Variants in HERC1 observed in about 807,000 individuals in gnomAD.
HERC1 encodes the protein HECT and RLD domain containing E3 ubiquitin protein ligase family member 1.
HERC1 carries 160 observed loss-of-function variants against 554.3 expected under a neutral mutation model. That is an observed-to-expected ratio of 0.29 (90% CI 0.25 to 0.33). HERC1 has a LOEUF of 0.33. HERC1 is among the 10% of genes least tolerant of loss of function. The pLI is 1.00. For synonymous variants in HERC1, 2,175 were observed against 2,131.7 expected, an observed-to-expected ratio of 1.02 and a Z score of -0.56; for missense variants, 4,919 against 5,918.5, an observed-to-expected ratio of 0.83 and a Z score of 5.54.
intron 1 of HERC1, among the ~76,000 whole-genome samples, chr15:63,824,988 A>G (rs2077840711): frequency 6.6e-6 from 1 of 152,130 alleles, no homozygotes. Context: ...GTTATGTAGG[A>G]TGAATAAATC....
chr15:63,711,049 G>T (rs1328959409), intron 24 of HERC1, among the ~76,000 whole-genome samples: 2 of 152,154 alleles, frequency 1.3e-5, no homozygotes, highest in African/African-American at 2.4e-5. Context: ...TTGCAGGGTT[G>T]GGAGCTGGGT....
intron 55 of HERC1, among the ~76,000 whole-genome samples, chr15:63,647,167 T>C (rs1193923142): frequency 2.6e-5 from 4 of 151,920 alleles, no homozygotes; most frequent in East Asian, 1.9e-4. Flanking sequence ...GGCAGAAGAA[T>C]TGCTTGAACC....
chr15:63,704,864 G>A (rs531638136), intron 25 of HERC1, among the ~76,000 whole-genome samples: 3 of 149,896 alleles, frequency 2.0e-5, no homozygotes, highest in East Asian at 4.0e-4. Context: ...TCAGCCTCCC[G>A]AATAGCCAGG....
rs2074407127 is a variant in HERC1 at position 63,734,150 on chromosome 15, G to A, written c.2646+574C>T. Reference sequence around the variant, plus strand: ...CCACCCTACTCCAGCGTGGATGACAGAGCAAGACTCTGTCTCCAAAAAAAG... The same window carrying A: ...CCACCCTACTCCAGCGTGGATGACAAAGCAAGACTCTGTCTCCAAAAAAAG... On this transcript the variant is annotated intron_variant, in intron 13 of 77. Transcript: ENST00000443617. This position sits in a 1 kb window ranked among gnomAD's most constrained non-coding sequence, Gnocchi z 4.6. Among the ~76,000 whole-genome samples, 1 of 152,134 alleles carries A rather than the reference G, an allele frequency of 6.6e-6. No individual in the cohort carries two copies. The highest frequency in any genetic ancestry group is 2.4e-5 in the African/African-American group (1 of 41,428).
Position 63,625,657 on chromosome 15 carries a change from G to A in HERC1, c.13275+328C>T, listed in dbSNP as rs2068270575. ...TGCAGTGAGCTGAGATTGCGCCACT[G>A]CACTCCAGCCTGGGCGACAGAGTGA... is the stretch of plus-strand genomic sequence containing the variant. On this transcript the variant is annotated intron_variant, in intron 71 of 77. Coordinates refer to ENST00000443617, the MANE Select transcript of HERC1 (RefSeq NM_003922.4). 2.1e-5 allele frequency among the ~76,000 whole-genome samples: 3 copies of A among 145,730 alleles called. No homozygotes were observed. The South Asian group carries it at 6.5e-4, about 31-fold the overall frequency.
At position 63,725,481 on chromosome 15, in the gene HERC1, G is replaced by A; in HGVS notation, c.3379C>T (p.Pro1127Ser). 1.2e-6 allele frequency: 2 copies of A among 1,613,866 alleles called. No individual in the cohort carries two copies. Among genetic ancestry groups the A allele is most frequent in the Non-Finnish European group, 1.7e-6 (2 of 1,179,848 alleles). The change falls in exon 18 of 78, where the codon CCA (proline) becomes TCA (serine). Residue 1127 changes from proline to serine, a missense_variant. Physicochemically the swap from Pro to Ser is moderately conservative, Grantham distance 74 (BLOSUM62 -1). Transcript: ENST00000443617. ...CAGGACTGAGCTGGCTGAGGTAATGGCAGACCAGCAGGATCAATTAGTTCT... is the reference window on the plus strand; with the variant it reads ...CAGGACTGAGCTGGCTGAGGTAATGACAGACCAGCAGGATCAATTAGTTCT... ...GPELIDPAGL[P>S]LPQPAQSWVW...
At chr15:63,805,913 A>G (rs2077123059) in intron 1 of HERC1, among the ~76,000 whole-genome samples, 1 of 150,352 alleles carries the variant, frequency 6.7e-6, no homozygotes, top group South Asian at 2.1e-4. Context: ...ACTGCACTAC[A>G]GCCTGGGAAA....
rs954181096 is a variant in HERC1, at chr15:63,666,555, T to C, written c.8207-83A>G. 4.6e-6 allele frequency: 4 copies of C among 869,316 alleles called. No individual in the cohort carries two copies. In the African/African-American group the frequency reaches 6.8e-5, roughly 15 times the overall value. The allele number at this position is 869,316 out of a possible 1,614,324, so 53.9% of individuals were successfully genotyped here. A position where few individuals can be genotyped will look rare whatever the true frequency, so the allele number is the denominator to read the frequency against. Reference sequence around the variant, plus strand: ...AGTGTCTTCATAGTCCTCAATTTCCTAGTATTGTCCAAGTTTAATGAAATT... The same window carrying C: ...AGTGTCTTCATAGTCCTCAATTTCCCAGTATTGTCCAAGTTTAATGAAATT... On this transcript the variant is annotated intron_variant, in intron 40 of 77. Transcript: ENST00000443617.
chr15:63,624,817 T>C (rs1453506736), intron 71 of HERC1, among the ~76,000 whole-genome samples: 1 of 152,218 alleles, frequency 6.6e-6, no homozygotes, highest in African/African-American at 2.4e-5. Flanking sequence ...AATATATAAT[T>C]ACCATTTTTA....
chr15:63,664,358 G>A, intron 43 of HERC1, 112 bp downstream of exon 43: 5 of 880,750 alleles, frequency 5.7e-6, no homozygotes, highest in Non-Finnish European at 8.7e-6. Flanking sequence ...TTCTGTTAAT[G>A]TGGAGGGACT....
At chr15:63,643,644 A>G in intron 57 of HERC1, 94 bp from the exon 58 acceptor site, 1 of 972,646 alleles carries the variant, frequency 1.0e-6, no homozygotes, top group Non-Finnish European at 1.5e-6. Context: ...ATATTTCAGA[A>G]TAAAATTGGC....
At chr15:63,715,117 T>G (rs1366294176) in intron 22 of HERC1, among the ~76,000 whole-genome samples, 1 of 152,210 alleles carries the variant, frequency 6.6e-6, no homozygotes, top group Non-Finnish European at 1.5e-5. Flanking sequence ...TAGCTGCTAC[T>G]AACTGTAGCC....
chr15:63,666,513 A>G lies in HERC1; in HGVS notation c.8207-41T>C, dbSNP rs777261992. On this transcript the variant is annotated intron_variant, in intron 40 of 77. Transcript: ENST00000443617. ...GAGAAATAAGAACCTAAATATCACTAGATACCGTGAGTAAAAAGTGTCTTC... is the reference window on the plus strand; with the variant it reads ...GAGAAATAAGAACCTAAATATCACTGGATACCGTGAGTAAAAAGTGTCTTC... The G allele has an allele frequency of 1.2e-5, 15 of 1,237,986 alleles. No homozygotes were observed. The South Asian group carries it at 1.3e-4, about 11-fold the overall frequency. 76.7% of individuals were successfully genotyped at this position (1,237,986 alleles called of 1,614,324 possible).
At chr15:63,800,585 C>T (rs1053144098) in intron 1 of HERC1, among the ~76,000 whole-genome samples, 1 of 152,180 alleles carries the variant, frequency 6.6e-6, no homozygotes, top group African/African-American at 2.4e-5. Context: ...GAAGGTATCC[C>T]TGACTATACC....
intron 71 of HERC1, among the ~76,000 whole-genome samples, chr15:63,625,173 G>A (rs2068247551): frequency 6.6e-6 from 1 of 152,030 alleles, no homozygotes. Flanking sequence ...TTTGTTACTG[G>A]ACTAGTCCAT....
At chr15:63,828,330 G>A (rs1271619275) in intron 1 of HERC1, among the ~76,000 whole-genome samples, 1 of 151,732 alleles carries the variant, frequency 6.6e-6, no homozygotes, top group South Asian at 2.1e-4. Flanking sequence ...ACACTTTTCA[G>A]TACAACTTTT....
At chr15:63,632,507 G>A in intron 68 of HERC1, 1 of 651,084 alleles carries the variant, frequency 1.5e-6, no homozygotes, top group East Asian at 2.9e-5. Flanking sequence ...GGCATAAGGG[G>A]TCTTAATGGG....
chr15:63,643,500 T>C lies in HERC1; in HGVS notation c.11235A>G (p.Gly3745=). Residue 3745 remains glycine, a synonymous_variant, in exon 58 of 78, where the codon GGA becomes GGG. Coordinates refer to ENST00000443617, the MANE Select transcript of HERC1 (RefSeq NM_003922.4). ...CAACAGTCCGAACAGGAGTGATGTGTCCCCGCAGCTGATAAACACACTTGG... is the reference window on the plus strand; with the variant it reads ...CAACAGTCCGAACAGGAGTGATGTGCCCCCGCAGCTGATAAACACACTTGG... ...SGAKCVYQLR[G]HITPVRTVAF... is the part of the protein sequence containing the mutation. 6.2e-7 allele frequency: 1 copy of C among 1,610,334 alleles called. No individual in the cohort carries two copies. Among genetic ancestry groups the C allele is most frequent in the Non-Finnish European group, 8.5e-7 (1 of 1,177,950 alleles).
chr15:63,611,511 CACACA>C (rs2067589897), intron 77 of HERC1, among the ~76,000 whole-genome samples: 1 of 152,222 alleles, frequency 6.6e-6, no homozygotes, highest in African/African-American at 2.4e-5. Flanking sequence ...CTCCACAAGG[CACACA>C]ACACAAGTGG....
Sources: gnomAD v4.1 joint callset for allele counts (sites outside exome capture counted in the v4.1 genomes callset) on GRCh38, gnomAD v4.1.1 for gene constraint, Gnocchi (gnomAD v3.1) non-coding constraint, MANE v1.5 for transcripts, NCBI Gene and HGNC (gene_info 2026-07-23, HGNC 2026-07-21) for gene names.